Variants in CNTN6 observed in about 807,000 individuals in gnomAD.
CNTN6 encodes contactin 6, also known as contactin-6.
In CNTN6, 137 loss-of-function variants were observed where a neutral mutation model predicts 122.8. That is an observed-to-expected ratio of 1.12 (90% confidence interval 0.97 to 1.29). CNTN6 has a LOEUF of 1.29. CNTN6 is among the 50% of genes most tolerant of loss of function. The pLI, the probability that CNTN6 is intolerant of heterozygous loss-of-function variation, is 0.00. For missense variants in CNTN6, 1,634 were observed against 1,223.4 expected (o/e 1.34, Z -5.01); for synonymous variants, 570 against 426.0 (o/e 1.34, Z -4.16).
At chr3:1,345,130 T>C (rs1164917737) in intron 11 of CNTN6, among the ~76,000 whole-genome samples, 1 of 152,094 alleles carries the variant, frequency 6.6e-6, no homozygotes, top group Non-Finnish European at 1.5e-5. Flanking sequence ...TTTTTTTTTT[T>C]TTTTGAGACA....
At position 1,380,593 on chromosome 3, in the gene CNTN6, G is replaced by A. The variant is rs1366495029; in HGVS notation, c.2167-2349G>A. Among the ~76,000 whole-genome samples the A allele has an allele frequency of 2.0e-5, 3 of 152,060 alleles. No individual in the cohort carries two copies. In the South Asian group the frequency reaches 6.2e-4, roughly 32 times the overall value. ...AGATACATACCTACACTGAGGGTTG[G>A]CACGCTTTTTATTTAAAGGGCCAGA... On this transcript the variant is annotated intron_variant, in intron 17 of 22. Transcript: ENST00000446702.
intron 4 of CNTN6, among the ~76,000 whole-genome samples, chr3:1,266,035 T>C (rs2094921259): frequency 6.6e-6 from 1 of 151,788 alleles, no homozygotes; most frequent in African/African-American, 2.4e-5. Flanking sequence ...TTTTTTTGCA[T>C]AACACCTAAG....
At chr3:1,295,297 T>A (rs1027860966) in intron 5 of CNTN6, among the ~76,000 whole-genome samples, 2 of 152,228 alleles carry the variant, frequency 1.3e-5, no homozygotes, top group Non-Finnish European at 2.9e-5. Context: ...GTTATTATTT[T>A]ATACGTCTTA....
At chr3:1,236,855 T>C (rs1007652673) in intron 4 of CNTN6, among the ~76,000 whole-genome samples, 1 of 151,788 alleles carries the variant, frequency 6.6e-6, no homozygotes, top group East Asian at 2.0e-4. Context: ...CTGAGGCGGG[T>C]GGATCACAAG....
At chr3:1,190,396 A>G (rs139623861) in intron 2 of CNTN6, among the ~76,000 whole-genome samples, 1 of 152,098 alleles carries the variant, frequency 6.6e-6, no homozygotes, top group African/African-American at 2.4e-5. Context: ...ATATGTCACA[A>G]TGTCTCTTCT....
intron 1 of CNTN6, among the ~76,000 whole-genome samples, chr3:1,095,198 C>A (rs574892103): frequency 6.6e-6 from 1 of 152,080 alleles, no homozygotes; most frequent in African/African-American, 2.4e-5. Context: ...ATTGGCCGCG[C>A]GCGGTGGTTC....
At chr3:1,205,116 T>C (rs2093940572) in intron 2 of CNTN6, among the ~76,000 whole-genome samples, 1 of 152,090 alleles carries the variant, frequency 6.6e-6, no homozygotes, top group African/African-American at 2.4e-5. Flanking sequence ...CAACATGCTG[T>C]TCCTGATTTT....
intron 4 of CNTN6, among the ~76,000 whole-genome samples, chr3:1,274,865 CT>C (rs1415727358): frequency 1.3e-5 from 2 of 152,086 alleles, no homozygotes; most frequent in Admixed American, 1.3e-4. Flanking sequence ...AGTCAAGACA[CT>C]TTAAATTCAT....
At chr3:1,268,403 C>G (rs897249622) in intron 4 of CNTN6, among the ~76,000 whole-genome samples, 3 of 152,004 alleles carry the variant, frequency 2.0e-5, no homozygotes, top group South Asian at 2.1e-4. Flanking sequence ...GTCAGGAGAT[C>G]GAGACCATCC....
chr3:1,125,222 C>A (rs528293473), intron 1 of CNTN6, among the ~76,000 whole-genome samples: 1 of 151,992 alleles, frequency 6.6e-6, no homozygotes, highest in Middle Eastern at 3.4e-3. Context: ...CCCTAATTGA[C>A]TAAAACTATA....
intron 5 of CNTN6, among the ~76,000 whole-genome samples, chr3:1,282,030 GAA>G (rs1491215428): frequency 6.6e-6 from 1 of 151,582 alleles, no homozygotes; most frequent in African/African-American, 2.4e-5. Flanking sequence ...AGGAGAGTAA[GAA>G]AAAGTATCGA....
intron 2 of CNTN6, among the ~76,000 whole-genome samples, chr3:1,201,935 A>C (rs774864766): frequency 3.3e-5 from 5 of 152,228 alleles, no homozygotes; most frequent in East Asian, 1.9e-4. Context: ...CAAATATCTT[A>C]ACAGAATTAT....
intron 2 of CNTN6, among the ~76,000 whole-genome samples, chr3:1,190,446 C>T (rs1372483068): frequency 6.6e-6 from 1 of 152,176 alleles, no homozygotes; most frequent in Non-Finnish European, 1.5e-5. Context: ...ACTGAAACCG[C>T]CTTGCTTTTT....
At chr3:1,117,544 A>C (rs900080651) in intron 1 of CNTN6, among the ~76,000 whole-genome samples, 1 of 152,134 alleles carries the variant, frequency 6.6e-6, no homozygotes, top group African/African-American at 2.4e-5. Context: ...CAATTTCTAT[A>C]TGTGAAAATT....
In CNTN6 at chr3:1,374,035, C is replaced by A. The variant is rs774254169; in HGVS notation, c.2057C>A (p.Pro686Gln). 4 of 1,612,820 alleles carry A rather than the reference C, an allele frequency of 2.5e-6. No homozygotes were observed. The highest frequency in any genetic ancestry group is 3.4e-6 in the Non-Finnish European group (4 of 1,179,156). The part of the protein sequence containing the change: ...VAGNSIGIGE[P>Q]SEPSELLRTK... ...GGCAACAGCATTGGGATTGGAGAAC[C>A]AAGTGAACCATCAGAATTGTTAAGA... The change falls in exon 16 of 23, where the codon CCA (proline) becomes CAA (glutamine). Residue 686 changes from proline (P) to glutamine (Q), a missense_variant. Physicochemically the swap from Pro to Gln is moderately conservative, Grantham distance 76. Transcript: ENST00000446702.
chr3:1,247,382 T>C (rs905171052), intron 4 of CNTN6, among the ~76,000 whole-genome samples: 4 of 152,124 alleles, frequency 2.6e-5, no homozygotes, highest in African/African-American at 9.7e-5. Context: ...GTAAATGCCA[T>C]ATTCTAGTAA....
At chr3:1,109,936 C>A (rs2091403081) in intron 1 of CNTN6, among the ~76,000 whole-genome samples, 1 of 152,002 alleles carries the variant, frequency 6.6e-6, no homozygotes, top group African/African-American at 2.4e-5. Flanking sequence ...ATATACAGGT[C>A]TTTATAGCTG....
At chr3:1,391,648 A>C (rs1694164339) in intron 20 of CNTN6, among the ~76,000 whole-genome samples, 1 of 151,502 alleles carries the variant, frequency 6.6e-6, no homozygotes, top group South Asian at 2.1e-4. Context: ...TTGTATATCT[A>C]GAAAACCCCA....
chr3:1,382,334 A>G (rs1375107733), intron 17 of CNTN6, among the ~76,000 whole-genome samples: 2 of 152,204 alleles, frequency 1.3e-5, no homozygotes, highest in East Asian at 1.9e-4. Flanking sequence ...TTTGAAATGT[A>G]TTTTATAGAA....
Sources: gnomAD v4.1 joint callset for allele counts (sites outside exome capture counted in the v4.1 genomes callset) on GRCh38, gnomAD v4.1.1 for gene constraint, MANE v1.5 for transcripts, NCBI Gene and HGNC (gene_info 2026-07-23, HGNC 2026-07-21) for gene names.